The following CSMD2 variants were observed in gnomAD, a reference collection of about 807,000 sequenced individuals.
The protein encoded by CSMD2 is CUB and Sushi multiple domains 2.
In CSMD2, 130 loss-of-function variants were observed where a neutral mutation model predicts 398.5. The observed-to-expected ratio is 0.33, with a 90% CI of 0.28 to 0.38. The LOEUF is 0.38. CSMD2 is among the 10% of genes least tolerant of loss of function. The pLI is 1.00. For missense variants in CSMD2, 3,829 were observed against 4,764.9 expected, an observed-to-expected ratio of 0.80 and a Z score of 5.78; for synonymous variants, 1,828 against 1,908.5, an observed-to-expected ratio of 0.96 and a Z score of 1.10.
intron 12 of CSMD2, among the ~76,000 whole-genome samples, chr1:33,774,144 T>TGTGC (rs1270511395): frequency 1.2e-4 from 17 of 143,018 alleles, no homozygotes; most frequent in African/African-American, 4.6e-4. Context: ...TGTGTGTGTG[T>TGTGC]GTGTGATCAT....
At chr1:34,010,508 G>A (rs986208776) in intron 3 of CSMD2, among the ~76,000 whole-genome samples, 13 of 152,212 alleles carry the variant, frequency 8.5e-5, no homozygotes, top group African/African-American at 2.9e-4. Context: ...GGCTTAGAGA[G>A]GTTCAGTGAC....
rs1179062225 is a variant in CSMD2, at chr1:33,533,093, G to C, written c.10128C>G (p.Cys3376Trp). Residue 3376 changes from cysteine (C) to tryptophan (W), a missense_variant, in exon 64 of 71, where the codon TGC (cysteine) becomes TGG (tryptophan). Coordinates refer to ENST00000373381, the MANE Select transcript of CSMD2 (RefSeq NM_001281956.2). This position sits in a 1 kb window ranked among gnomAD's most constrained non-coding sequence, Gnocchi z 4.2. ...TGCCTGTCCAGCTGCCATCCGCCTT[G>C]CAGGTGCGGTGCTCGGAGCCACCCT... Reference protein sequence around the residue: ...SLKGGSEHRTCKADGSWTGKP... With the variant: ...SLKGGSEHRTWKADGSWTGKP... 6.2e-7 allele frequency: 1 copy of C among 1,613,676 alleles called. No homozygotes were observed. The highest frequency in any genetic ancestry group is 8.5e-7 in the Non-Finnish European group (1 of 1,179,954).
Position 33,569,475 on chromosome 1 carries a change from G to A in CSMD2, c.8030C>T (p.Thr2677Ile), listed in dbSNP as rs1490176138. The A allele has an allele frequency of 6.2e-7, 1 of 1,614,060 alleles. No homozygotes were observed. Among genetic ancestry groups the A allele is most frequent in the Non-Finnish European group, 8.5e-7 (1 of 1,180,038 alleles). Reference sequence around the variant, plus strand: ...TCCGGAATTGCAGGAGAAGATGGCTGTTGCCCCGTAGACAGACAGTGTTCC... The same window carrying A: ...TCCGGAATTGCAGGAGAAGATGGCTATTGCCCCGTAGACAGACAGTGTTCC... Reference protein sequence around the residue: ...RIGTLSVYGATAIFSCNSGYT... With the variant: ...RIGTLSVYGAIAIFSCNSGYT... The change falls in exon 52 of 71, where the codon ACA (threonine) becomes ATA (isoleucine). Residue 2677 changes from threonine (T) to isoleucine (I), a missense_variant. Physicochemically the swap from Thr to Ile is moderately conservative, Grantham distance 89. Around this residue, in one of 5 missense-constraint regions of CSMD2, gnomAD observed 723 missense variants for 758.6 expected, o/e 0.95. Coordinates refer to ENST00000373381, the MANE Select transcript of CSMD2 (RefSeq NM_001281956.2).
chr1:34,056,233 C>A (rs1653814358), intron 2 of CSMD2, among the ~76,000 whole-genome samples: 1 of 152,184 alleles, frequency 6.6e-6, no homozygotes, highest in South Asian at 2.1e-4. Context: ...CTCAGGAACA[C>A]CTTCCCTGAT....
At chr1:34,021,215 C>A (rs574161111) in intron 3 of CSMD2, among the ~76,000 whole-genome samples, 63 of 152,200 alleles carry the variant, frequency 4.1e-4, no homozygotes, top group Non-Finnish European at 7.8e-4. Flanking sequence ...TCTCTCCCCA[C>A]TGATGCTGGG....
intron 5 of CSMD2, among the ~76,000 whole-genome samples, chr1:33,909,662 A>G (rs1643339079): frequency 6.6e-6 from 1 of 152,138 alleles, no homozygotes; most frequent in Non-Finnish European, 1.5e-5. Flanking sequence ...CAGTGACCAT[A>G]ATGAAGGAGA....
rs557330152 is a variant in CSMD2, at chr1:34,016,364, G to A, written c.517+16230C>T. Among the ~76,000 whole-genome samples, 8 of 150,420 alleles carry A rather than the reference G, an allele frequency of 5.3e-5. No homozygotes were observed. The East Asian group carries it at 1.6e-3, about 30-fold the overall frequency. ...GTTTGCCTCCCTGTGTCCATGTATT[G>A]TCACTGTTCAACTCCCACTTATGAG... On this transcript the variant is annotated intron_variant, in intron 3 of 70. Transcript: ENST00000373381.
At chr1:33,560,374 G>A (rs1428871919) in intron 53 of CSMD2, among the ~76,000 whole-genome samples, 1 of 152,180 alleles carries the variant, frequency 6.6e-6, no homozygotes, top group African/African-American at 2.4e-5. Context: ...AAGAGAAAAG[G>A]GATGTGGTAT....
At chr1:34,017,696 C>T (rs533087628) in intron 3 of CSMD2, among the ~76,000 whole-genome samples, 1 of 152,272 alleles carries the variant, frequency 6.6e-6, no homozygotes, top group South Asian at 2.1e-4. Flanking sequence ...CTACAGTGAG[C>T]CATGATCACA....
In CSMD2 at chr1:33,572,507, G is replaced by C; in HGVS notation, c.7761C>G (p.Val2587=). 6.3e-7 allele frequency: 1 copy of C among 1,595,970 alleles called. No homozygotes were observed. The highest frequency in any genetic ancestry group is 8.6e-7 in the Non-Finnish European group (1 of 1,167,632). ...CGCCTCCATTGCCCGAGGACTCACG[G>C]ACACACTGTGGTGGGACATTGCGGT... ...WSNRNVPPQC[V]PVTCPDVSSI... is the part of the protein sequence containing the mutation. The change falls in exon 50 of 71, where the codon GTC becomes GTG. Residue 2587 remains valine (V), a splice_region_variant and synonymous_variant. Transcript: ENST00000373381.
intron 9 of CSMD2, among the ~76,000 whole-genome samples, chr1:33,817,660 G>A (rs4357496): frequency 0.68 from 103,831 of 151,978 alleles, 37,018 homozygotes; most frequent in African/African-American, 0.91. Context: ...ATGTGTGCAC[G>A]TAAGTCTCAC....
At chr1:33,671,154 T>C (rs1644484066) in intron 25 of CSMD2, among the ~76,000 whole-genome samples, 1 of 152,128 alleles carries the variant, frequency 6.6e-6, no homozygotes, top group Non-Finnish European at 1.5e-5. Context: ...ATGGTGATAA[T>C]GTCCAAGCTG....
In CSMD2 at chr1:33,635,207, C is replaced by A. The variant is rs763140822; in HGVS notation, c.5086+7G>T. The A allele has an allele frequency of 1.3e-6, 2 of 1,570,194 alleles. No homozygotes were observed. The highest frequency in any genetic ancestry group is 3.3e-4 in the Middle Eastern group (2 of 5,988). On this transcript the variant is annotated splice_region_variant and intron_variant, in intron 31 of 70. Transcript: ENST00000373381. The surrounding 1 kb of genome is among the most constrained non-coding windows in gnomAD (Gnocchi z 5.0). The stretch of plus-strand genomic sequence containing the variant: ...AACATATGAACAACAACAACCAAAA[C>A]CCATACCATAGTCCTTGGGCACAGT...
chr1:33,584,199 C>T (rs900259909), intron 46 of CSMD2, among the ~76,000 whole-genome samples: 1 of 152,192 alleles, frequency 6.6e-6, no homozygotes, highest in African/African-American at 2.4e-5. Flanking sequence ...AAAGATTGTA[C>T]TGTATAGGGC....
chr1:33,632,370 A>G (rs1480888484), intron 32 of CSMD2, among the ~76,000 whole-genome samples: 2 of 152,088 alleles, frequency 1.3e-5, no homozygotes, highest in African/African-American at 4.8e-5. Context: ...TTTTTATAGC[A>G]TATTATATAT....
Position 33,633,518 on chromosome 1 carries a change from C to T in CSMD2, c.5104G>A (p.Ala1702Thr). Residue 1702 changes from alanine (A) to threonine (T), a missense_variant, in exon 32 of 71, where the codon GCC becomes ACC. Ala to Thr is a moderately conservative substitution (Grantham distance 58). Around this residue, in one of 5 missense-constraint regions of CSMD2, gnomAD observed 2,001 missense variants for 2,567.1 expected, o/e 0.78. Transcript: ENST00000373381. This position sits in a 1 kb window ranked among gnomAD's most constrained non-coding sequence, Gnocchi z 5.0. ...PKDYVVFGQF[A>T]FFHTALNDVV... ...TCGTTGAGGGCCGTGTGAAAGAAGG[C>T]GAACTGGCCAAACACCACTGTGGAG... 2.6e-6 allele frequency: 4 copies of T among 1,552,556 alleles called. No individual in the cohort carries two copies. Among genetic ancestry groups the T allele is most frequent in the African/African-American group, 1.4e-5 (1 of 73,250 alleles).
intron 9 of CSMD2, among the ~76,000 whole-genome samples, chr1:33,817,751 A>T (rs1222089116): frequency 6.6e-6 from 1 of 152,222 alleles, no homozygotes; most frequent in Non-Finnish European, 1.5e-5. Context: ...TTCTATTATC[A>T]CCACTTTTTG....
intron 1 of CSMD2, among the ~76,000 whole-genome samples, chr1:34,097,555 C>G (rs1659470884): frequency 3.0e-5 from 4 of 131,732 alleles, no homozygotes; most frequent in African/African-American, 8.6e-5. Flanking sequence ...TGAACTCAAA[C>G]AAATTGACAA....
chr1:33,772,702 C>A lies in CSMD2; in HGVS notation c.1713G>T (p.Arg571=), dbSNP rs370352383. The A allele has an allele frequency of 6.2e-7, 1 of 1,614,028 alleles. No homozygotes were observed. Among genetic ancestry groups the A allele is most frequent in the African/African-American group, 1.3e-5 (1 of 74,928 alleles). The change falls in exon 13 of 71, where the codon CGG becomes CGT. Residue 571 remains arginine (R), a synonymous_variant. Coordinates refer to ENST00000373381, the MANE Select transcript of CSMD2 (RefSeq NM_001281956.2). ...CGTGGTGAAACCGGGAGCCTTCCCT[C>A]CGGCCATATGCAGGTATGCCAGGGT... ...CGDPGIPAYG[R]REGSRFHHGD...
Sources: allele counts gnomAD v4.1 joint callset (sites outside exome capture counted in the v4.1 genomes callset), GRCh38; gene constraint gnomAD v4.1.1; regional missense constraint gnomAD v4.1.1; non-coding constraint Gnocchi (gnomAD v3.1); transcripts MANE v1.5; gene names NCBI Gene and HGNC (gene_info 2026-07-23, HGNC 2026-07-21).